The following LIMCH1 variants were observed in gnomAD, a reference collection of about 807,000 sequenced individuals.
LIMCH1 encodes the protein LIM and calponin homology domains 1.
A neutral mutation model predicts 176.5 loss-of-function variants in LIMCH1; 113 were observed. The ratio of observed to expected loss-of-function variants is 0.64; its 90% CI spans 0.55 to 0.75. LIMCH1 has a LOEUF of 0.75. LIMCH1 is among the 30% of genes least tolerant of loss of function. The pLI, the probability that LIMCH1 is intolerant of heterozygous loss-of-function variation, is 0.00. For synonymous variants in LIMCH1, 619 were observed against 645.9 expected (o/e 0.96, Z 0.63); for missense variants, 1,674 against 1,814.9 (o/e 0.92, Z 1.41).
intron 1 of LIMCH1, among the ~76,000 whole-genome samples, chr4:41,466,895 G>A (rs115544500): frequency 0.016 from 2,389 of 152,096 alleles, 46 homozygotes; most frequent in African/African-American, 0.049. Context: ...TTGTAAAACC[G>A]AAACTCTGTA....
intron 8 of LIMCH1, among the ~76,000 whole-genome samples, chr4:41,628,916 A>G (rs1470759614): frequency 1.3e-5 from 2 of 152,232 alleles, no homozygotes; most frequent in Admixed American, 6.5e-5. Flanking sequence ...AATGCCATGA[A>G]GCAGACGTTG....
At chr4:41,497,820 T>C (rs186950643) in intron 2 of LIMCH1, among the ~76,000 whole-genome samples, 1 of 116,240 alleles carries the variant, frequency 8.6e-6, no homozygotes, top group African/African-American at 3.8e-5. Context: ...AAAAAAAAAA[T>C]TAAGTTTAGG....
chr4:41,600,288 T>A (rs940761600), intron 2 of LIMCH1, among the ~76,000 whole-genome samples: 1 of 152,208 alleles, frequency 6.6e-6, no homozygotes, highest in African/African-American at 2.4e-5. Flanking sequence ...CATTTATTAT[T>A]GTACTTAAAT....
chr4:41,675,586 G>A (rs920686789), intron 22 of LIMCH1, among the ~76,000 whole-genome samples: 4 of 152,140 alleles, frequency 2.6e-5, no homozygotes, highest in African/African-American at 9.6e-5. Flanking sequence ...TGGGTGACTG[G>A]GGCAGCCGAC....
At chr4:41,456,026 TTTTG>T (rs148053731) in intron 1 of LIMCH1, among the ~76,000 whole-genome samples, 1,747 of 152,248 alleles carry the variant, frequency 0.011, 33 homozygotes, top group African/African-American at 0.04. Context: ...ACACACTTTT[TTTTG>T]TTTGTTTGTT....
At position 41,605,854 on chromosome 4, in the gene LIMCH1, C is replaced by T. The variant is rs748244922; in HGVS notation, c.-102-40C>T. On this transcript the variant is annotated intron_variant, in intron 3 of 31. Transcript: ENST00000503057. ...TTGACTCCTTAGTTTAAACGTCATT[C>T]TTGAGGGAAAAATCTGCTCTTGTGC... is the stretch of plus-strand genomic sequence containing the variant. The T allele has an allele frequency of 4.5e-6, 6 of 1,321,512 alleles. No individual in the cohort carries two copies. The East Asian group carries it at 1.4e-4, about 31-fold the overall frequency. 81.9% of individuals were successfully genotyped at this position (1,321,512 alleles called of 1,614,324 possible).
intron 1 of LIMCH1, among the ~76,000 whole-genome samples, chr4:41,393,080 A>G (rs1278811698): frequency 6.6e-6 from 1 of 152,218 alleles, no homozygotes; most frequent in Admixed American, 6.5e-5. Context: ...GGTCGAGCAC[A>G]TGTAATTTAT....
Position 41,671,050 on chromosome 4 carries a change from C to A in LIMCH1, c.3398-504C>A, listed in dbSNP as rs1463386017. 1.4e-5 allele frequency: 13 copies of A among 897,562 alleles called. No individual in the cohort carries two copies. The Middle Eastern group carries it at 1.7e-3, about 119-fold the overall frequency. The allele number at this position is 897,562 out of a possible 1,614,324, so 55.6% of individuals were successfully genotyped here. A position where few individuals can be genotyped will look rare whatever the true frequency, so the allele number is the denominator to read the frequency against. On this transcript the variant is annotated intron_variant, in intron 21 of 31. Transcript: ENST00000503057. ...ATATTCATCATTTTCTTGAGAGTCCCCTGCCTTTAAAAAAAAAAAAAAAGA... is the reference window on the plus strand; with the variant it reads ...ATATTCATCATTTTCTTGAGAGTCCACTGCCTTTAAAAAAAAAAAAAAAGA...
chr4:41,502,682 G>A (rs2073516272), intron 2 of LIMCH1, among the ~76,000 whole-genome samples: 1 of 151,810 alleles, frequency 6.6e-6, no homozygotes, highest in Non-Finnish European at 1.5e-5. Flanking sequence ...TTTTCATACT[G>A]GTATAGAATT....
chr4:41,616,194 G>C (rs1160873889), intron 5 of LIMCH1, among the ~76,000 whole-genome samples: 1 of 152,116 alleles, frequency 6.6e-6, no homozygotes, highest in African/African-American at 2.4e-5. Flanking sequence ...CAAGTAATGA[G>C]AGAAATCAAA....
intron 27 of LIMCH1, 134 bp from the exon 28 acceptor site, chr4:41,685,576 C>A: frequency 2.0e-6 from 2 of 1,010,722 alleles, no homozygotes; most frequent in Non-Finnish European, 2.9e-6. Flanking sequence ...GCCTCTCTAA[C>A]CACCATGTGC....
chr4:41,422,116 G>A (rs1197708801), intron 1 of LIMCH1, among the ~76,000 whole-genome samples: 2 of 150,814 alleles, frequency 1.3e-5, no homozygotes, highest in Non-Finnish European at 2.9e-5. Context: ...ACAAACAACA[G>A]AGAGTGAGAG....
chr4:41,680,077 A>G lies in LIMCH1; in HGVS notation c.3591A>G (p.Glu1197=). The G allele has an allele frequency of 3.7e-6, 6 of 1,607,698 alleles. No individual in the cohort carries two copies. Among genetic ancestry groups the G allele is most frequent in the Non-Finnish European group, 5.1e-6 (6 of 1,176,956 alleles). The change falls in exon 24 of 32, where the codon GAA becomes GAG. Residue 1197 remains glutamate (E), a synonymous_variant. Coordinates refer to ENST00000503057, the MANE Select transcript of LIMCH1 (RefSeq NM_001330672.2). ...WEKAQKEVEE[E]ERRYYEEERK... is the part of the protein sequence containing the mutation. ...AGGCCCAAAAGGAGGTGGAAGAGGA[A>G]GAACGCAGATACTATGAGGAGGTAG...
At chr4:41,637,310 T>G (rs1439525110) in intron 13 of LIMCH1, among the ~76,000 whole-genome samples, 1 of 152,142 alleles carries the variant, frequency 6.6e-6, no homozygotes, top group Non-Finnish European at 1.5e-5. Context: ...TGCCTCACCC[T>G]CCAGAGTAGC....
At position 41,653,597 on chromosome 4, in the gene LIMCH1, A is replaced by G. The variant is rs535775667; in HGVS notation, c.3036+2989A>G. ...CTTCACCCACCACTAAAATGTCACA[A>G]TTCCTTTAGGGTGAGCTAGAACTGT... On this transcript the variant is annotated intron_variant, in intron 18 of 31. Transcript: ENST00000503057. Among the ~76,000 whole-genome samples, 89 of 152,326 alleles carry G rather than the reference A, an allele frequency of 5.8e-4. No individual in the cohort carries two copies. In the Middle Eastern group the frequency reaches 0.014, roughly 23 times the overall value.
At chr4:41,643,992 G>A (rs1346693006) in intron 14 of LIMCH1, among the ~76,000 whole-genome samples, 2 of 152,130 alleles carry the variant, frequency 1.3e-5, no homozygotes, top group Non-Finnish European at 2.9e-5. Flanking sequence ...TTTGGAAATG[G>A]AGAAATTGCC....
chr4:41,360,986 G>T lies in LIMCH1; in HGVS notation c.96+50G>T. On this transcript the variant is annotated intron_variant, in intron 1 of 26. Coordinates refer to the LIMCH1 transcript ENST00000313860. The surrounding 1 kb of genome is among the most constrained non-coding windows in gnomAD (Gnocchi z 4.5). ...GCCTTGCACTGGCGCCCTGAGCCAC[G>T]GACCCGCGCACGCTCCGACCGCAGG... 7.2e-7 allele frequency: 1 copy of T among 1,379,614 alleles called. No homozygotes were observed. The highest frequency in any genetic ancestry group is 9.9e-7 in the Non-Finnish European group (1 of 1,014,992). The allele number at this position is 1,379,614 out of a possible 1,614,324, so 85.5% of individuals were successfully genotyped here.
intron 21 of LIMCH1, among the ~76,000 whole-genome samples, chr4:41,667,794 A>G (rs1237504294): frequency 6.6e-6 from 1 of 152,062 alleles, no homozygotes; most frequent in African/African-American, 2.4e-5. Context: ...TATGCTTCAA[A>G]ACAACTAGAC....
chr4:41,406,027 A>G (rs929155073), intron 1 of LIMCH1, among the ~76,000 whole-genome samples: 3 of 152,138 alleles, frequency 2.0e-5, no homozygotes, highest in African/African-American at 7.2e-5. Context: ...TTGCCTATAT[A>G]AGATTAATGT....
Sources: gnomAD v4.1 joint callset for allele counts (sites outside exome capture counted in the v4.1 genomes callset) on GRCh38, gnomAD v4.1.1 for gene constraint, Gnocchi (gnomAD v3.1) non-coding constraint, MANE v1.5 for transcripts, NCBI Gene and HGNC (gene_info 2026-07-23, HGNC 2026-07-21) for gene names.